Variants in PIK3CB observed in about 807,000 individuals in gnomAD.
The protein encoded by PIK3CB is phosphatidylinositol-4,5-bisphosphate 3-kinase catalytic subunit beta.
PIK3CB carries 39 observed loss-of-function variants against 136.8 expected under a neutral mutation model. The ratio of observed to expected loss-of-function variants is 0.29; its 90% CI spans 0.22 to 0.37. The LOEUF (loss-of-function observed/expected upper bound fraction) is 0.37. Among genes scored for constraint, PIK3CB ranks in the 10% least tolerant of loss-of-function variants. The probability of loss-of-function intolerance (pLI) is 1.00; values close to 1 mark genes in which losing one functional copy is unlikely to be tolerated. For synonymous variants in PIK3CB, 428 were observed against 436.6 expected (o/e 0.98, Z 0.25); for missense variants, 868 against 1,275.4 (o/e 0.68, Z 4.87).
intron 3 of PIK3CB, among the ~76,000 whole-genome samples, chr3:138,757,862 A>C (rs2108729881): frequency 6.6e-6 from 1 of 152,300 alleles, no homozygotes; most frequent in East Asian, 1.9e-4. Flanking sequence ...GTTCCTCAAA[A>C]GTTAAAACAT....
At chr3:138,656,034 G>C (rs1559792329) in intron 23 of PIK3CB, 108 bp downstream of exon 23, 2 of 1,132,290 alleles carry the variant, frequency 1.8e-6, no homozygotes, top group East Asian at 2.5e-5. Context: ...AACCATCTTA[G>C]AGGAAATGAC....
intron 1 of PIK3CB, chr3:138,797,367 A>G (rs1164409506): frequency 1.3e-5 from 2 of 152,198 alleles, no homozygotes; most frequent in Non-Finnish European, 2.9e-5. Context: ...GTGACAGCTT[A>G]CCAGTAAACT....
intron 3 of PIK3CB, among the ~76,000 whole-genome samples, chr3:138,757,444 T>C (rs1181826031): frequency 1.4e-5 from 2 of 140,858 alleles, no homozygotes; most frequent in African/African-American, 5.4e-5. Flanking sequence ...CACAATGAGA[T>C]ACCACTTCAC....
At chr3:138,784,733 C>T (rs2045956629) in intron 2 of PIK3CB, among the ~76,000 whole-genome samples, 1 of 152,218 alleles carries the variant, frequency 6.6e-6, no homozygotes, top group Admixed American at 6.5e-5. Flanking sequence ...ACTCAGTGCT[C>T]AATCTTGCCC....
intron 8 of PIK3CB, among the ~76,000 whole-genome samples, chr3:138,723,545 G>T (rs899217778): frequency 6.6e-6 from 1 of 151,974 alleles, no homozygotes; most frequent in Non-Finnish European, 1.5e-5. Context: ...GCGAGACCCC[G>T]TCTCAAAAAT....
chr3:138,685,396 CAA>C (rs398052626), intron 16 of PIK3CB, among the ~76,000 whole-genome samples: 28 of 58,340 alleles, frequency 4.8e-4, no homozygotes, highest in Admixed American at 1.7e-3. Flanking sequence ...GAAACTGTCT[CAA>C]AAAAAAAAAA....
At chr3:138,672,912 A>G (rs2043565397) in intron 19 of PIK3CB, among the ~76,000 whole-genome samples, 1 of 135,858 alleles carries the variant, frequency 7.4e-6, no homozygotes. Flanking sequence ...ACTCCGTTGA[A>G]AAAAAAAAAA....
chr3:138,689,485 G>A (rs1187048249), intron 15 of PIK3CB, among the ~76,000 whole-genome samples: 1 of 152,190 alleles, frequency 6.6e-6, no homozygotes, highest in East Asian at 1.9e-4. Flanking sequence ...TAGAGACAGG[G>A]TTTTGCCATG....
At chr3:138,744,815 C>T (rs530494495) in intron 4 of PIK3CB, among the ~76,000 whole-genome samples, 1 of 152,314 alleles carries the variant, frequency 6.6e-6, no homozygotes, top group South Asian at 2.1e-4. Flanking sequence ...TCTTCTTCCT[C>T]ATCATCTGGC....
intron 6 of PIK3CB, among the ~76,000 whole-genome samples, chr3:138,737,251 G>T (rs1305807329): frequency 6.6e-6 from 1 of 151,578 alleles, no homozygotes; most frequent in Non-Finnish European, 1.5e-5. Context: ...AAAGAAGCTG[G>T]GCATGGTGGC....
At chr3:138,723,299 G>A (rs925091107) in intron 8 of PIK3CB, among the ~76,000 whole-genome samples, 2 of 151,958 alleles carry the variant, frequency 1.3e-5, no homozygotes, top group African/African-American at 4.8e-5. Context: ...GCCTGTAATC[G>A]CAACACTTTG....
At chr3:138,819,584 TAAG>T (rs1300196991) in intron 1 of PIK3CB, among the ~76,000 whole-genome samples, 2 of 152,190 alleles carry the variant, frequency 1.3e-5, no homozygotes, top group African/African-American at 2.4e-5. Context: ...TACATTAGAA[TAAG>T]AAGGACATTT....
At chr3:138,734,401 G>A (rs772468807) in intron 7 of PIK3CB, among the ~76,000 whole-genome samples, 4 of 151,862 alleles carry the variant, frequency 2.6e-5, no homozygotes, top group East Asian at 1.9e-4. Context: ...ATTTTTCTTC[G>A]GCAGAAAAAG....
intron 19 of PIK3CB, among the ~76,000 whole-genome samples, chr3:138,666,262 T>G (rs1208249263): frequency 6.6e-6 from 1 of 152,004 alleles, no homozygotes; most frequent in East Asian, 1.9e-4. Context: ...GTCAAATCCC[T>G]GGGCTCAAGG....
chr3:138,713,298 C>A lies in PIK3CB; in HGVS notation c.1303-994G>T, dbSNP rs531747072. 9.7e-4 allele frequency among the ~76,000 whole-genome samples: 144 copies of A among 148,172 alleles called. 1 individual carries two copies. Among genetic ancestry groups the A allele is most frequent in the African/African-American group, 3.4e-3 (138 of 40,672 alleles). On this transcript the variant is annotated intron_variant, in intron 9 of 23. Coordinates refer to ENST00000674063, the MANE Select transcript of PIK3CB (RefSeq NM_006219.3). ...AAAGTGTTGGGATTACAGGCGTGGG[C>A]CACTGCGCCTAGCCTAAAAATTATT... is the stretch of plus-strand genomic sequence containing the variant.
intron 23 of PIK3CB, 109 bp from the exon 24 acceptor site, chr3:138,655,635 C>A: frequency 2.6e-6 from 2 of 773,086 alleles, no homozygotes; most frequent in Non-Finnish European, 4.4e-6. Flanking sequence ...CACCATCAGG[C>A]AGCATGCTTC....
chr3:138,684,940 T>G, intron 16 of PIK3CB, 137 bp from the exon 17 acceptor site: 1 of 546,414 alleles, frequency 1.8e-6, no homozygotes, highest in Admixed American at 3.7e-5. Context: ...GAAGTAAAAA[T>G]AGTGTCTGAC....
intron 14 of PIK3CB, among the ~76,000 whole-genome samples, chr3:138,693,406 A>AT (rs937495673): frequency 1.4e-4 from 20 of 146,630 alleles, no homozygotes; most frequent in East Asian, 4.1e-4. Flanking sequence ...AATTATTATT[A>AT]TTTTTTTTTG....
intron 8 of PIK3CB, among the ~76,000 whole-genome samples, chr3:138,728,393 A>C (rs2044887799): frequency 6.6e-6 from 1 of 152,182 alleles, no homozygotes; most frequent in South Asian, 2.1e-4. Context: ...ACAAAATATT[A>C]ATAAGTCAAA....
Sources: allele counts gnomAD v4.1 joint callset (sites outside exome capture counted in the v4.1 genomes callset), GRCh38; gene constraint gnomAD v4.1.1; transcripts MANE v1.5; gene names NCBI Gene and HGNC (gene_info 2026-07-23, HGNC 2026-07-21).